DNAAF5: variants seen among roughly 807,000 people sequenced by gnomAD.
The protein encoded by DNAAF5 is HEAT repeat containing 2.
In DNAAF5, 64 loss-of-function variants were observed where a neutral mutation model predicts 75.8. The ratio of observed to expected loss-of-function variants is 0.84; its 90% CI spans 0.69 to 1.04. DNAAF5 has a LOEUF of 1.04. Among genes scored for constraint, DNAAF5 ranks in the 50% least tolerant of loss-of-function variants. DNAAF5 has a pLI of 0.00. For missense variants in DNAAF5, 1,269 were observed against 1,178.5 expected (o/e 1.08, Z -1.12); for synonymous variants, 657 against 557.2 (o/e 1.18, Z -2.52).
Position 741,477 on chromosome 7 carries a change from C to T in DNAAF5, c.1024+12C>T, listed in dbSNP as rs371766301. The T allele has an allele frequency of 6.7e-6, 10 of 1,485,140 alleles. No individual in the cohort carries two copies. Among genetic ancestry groups the T allele is most frequent in the Non-Finnish European group, 9.2e-6 (10 of 1,082,112 alleles). The allele number at this position is 1,485,140 out of a possible 1,614,324, so 92.0% of individuals were successfully genotyped here. ...TTACCCTCCACATGGTGAGTGACCG[C>T]GGCAGAGGGGAGCGCCAGGAGGCGA... is the stretch of plus-strand genomic sequence containing the variant. On this transcript the variant is annotated intron_variant, in intron 4 of 12. Transcript: ENST00000297440.
intron 8 of DNAAF5, among the ~76,000 whole-genome samples, chr7:767,803 CTGGGAGGGCAGACACGTGGTCCGGG>C (rs1778374032): frequency 6.7e-6 from 1 of 149,278 alleles, no homozygotes; most frequent in Non-Finnish European, 1.5e-5. Flanking sequence ...GGAGCTCCCG[CTGGGAGGGCAGACACGTGGTCCGGG>C]TGGAAGTGTC....
At chr7:743,922 TATTA>T (rs1026452218) in intron 4 of DNAAF5, among the ~76,000 whole-genome samples, 2 of 149,718 alleles carry the variant, frequency 1.3e-5, no homozygotes, top group Non-Finnish European at 1.5e-5. Flanking sequence ...TTTTATTATT[TATTA>T]TTTATTTTTA....
At chr7:745,985 A>G (rs1045588661) in intron 4 of DNAAF5, among the ~76,000 whole-genome samples, 1 of 152,256 alleles carries the variant, frequency 6.6e-6, no homozygotes, top group Non-Finnish European at 1.5e-5. Context: ...GGAGCAGAGT[A>G]AATTTAGAAT....
chr7:769,235 G>A (rs979443013), intron 8 of DNAAF5: 10 of 756,024 alleles, frequency 1.3e-5, no homozygotes, highest in Non-Finnish European at 2.0e-5. Context: ...ATAAGCCAGT[G>A]GACGCTCCCT....
chr7:756,951 C>T lies in DNAAF5; in HGVS notation c.1427C>T (p.Ala476Val), dbSNP rs780889552. 5 of 1,607,398 alleles carry T rather than the reference C, an allele frequency of 3.1e-6. No individual in the cohort carries two copies. In the Admixed American group the frequency reaches 5.0e-5, roughly 16 times the overall value. ...EALQPHLAAI[A>V]TELAQAHICQ... ...CTCCAGCCGCACCTGGCAGCCATCG[C>T]CACAGAGCTGGCACAGGCCCACATC... Residue 476 changes from alanine to valine, a missense_variant, in exon 6 of 13, where the codon GCC becomes GTC. Physicochemically the swap from Ala to Val is moderately conservative, Grantham distance 64. Coordinates refer to ENST00000297440, the MANE Select transcript of DNAAF5 (RefSeq NM_017802.4).
chr7:776,039 GA>G (rs1215791743), intron 11 of DNAAF5, among the ~76,000 whole-genome samples: 1 of 152,052 alleles, frequency 6.6e-6, no homozygotes, highest in Non-Finnish European at 1.5e-5. Context: ...TTGTTTTATA[GA>G]AAAAAAGCAG....
At position 785,957 on chromosome 7, in the gene DNAAF5, C is replaced by G. The variant is rs145588067; in HGVS notation, c.*304C>G. 62 of 308,650 alleles carry G rather than the reference C, an allele frequency of 2.0e-4. No homozygotes were observed. The highest frequency in any genetic ancestry group is 1.3e-3 in the African/African-American group (61 of 46,344). The allele number at this position is 308,650 out of a possible 1,614,324, so 19.1% of individuals were successfully genotyped here. A position where few individuals can be genotyped will look rare whatever the true frequency, so the allele number is the denominator to read the frequency against. ...GCAGCATCTTAGATTTTAAGCCTCACGTGCGCAGCTGGTTCATGAACTATT... is the reference window on the plus strand; with the variant it reads ...GCAGCATCTTAGATTTTAAGCCTCAGGTGCGCAGCTGGTTCATGAACTATT... On this transcript the variant is annotated 3_prime_UTR_variant, in exon 13 of 13. Transcript: ENST00000297440.
chr7:782,276 C>T (rs533401105), intron 12 of DNAAF5, among the ~76,000 whole-genome samples: 4 of 150,220 alleles, frequency 2.7e-5, no homozygotes, highest in African/African-American at 9.8e-5. Flanking sequence ...CCTCCCGACA[C>T]GCGGCATCAG....
intron 4 of DNAAF5, among the ~76,000 whole-genome samples, chr7:752,777 C>T (rs991321670): frequency 6.6e-6 from 1 of 152,192 alleles, no homozygotes; most frequent in Non-Finnish European, 1.5e-5. Flanking sequence ...GTTGAAAAAA[C>T]GAAAAGACAA....
At chr7:757,079 T>C in intron 6 of DNAAF5, 85 bp downstream of exon 6, 1 of 1,346,676 alleles carries the variant, frequency 7.4e-7, no homozygotes, top group Non-Finnish European at 1.0e-6. Flanking sequence ...TGTCTGTGGG[T>C]TGCCCTGTGC....
chr7:775,100 A>G lies in DNAAF5; in HGVS notation c.2177A>G (p.Asn726Ser), dbSNP rs1332012675. The G allele has an allele frequency of 1.2e-6, 2 of 1,614,154 alleles. No homozygotes were observed. Among genetic ancestry groups the G allele is most frequent in the Admixed American group, 3.3e-5 (2 of 60,018 alleles). Reference protein sequence around the residue: ...MTRLISCRIINTFLKTSGGMT... With the variant: ...MTRLISCRIISTFLKTSGGMT... ...CGACTGATCTCATGCCGTATTATCA[A>G]CACGTTCTTAAAAACCTCGGGCGGC... The change falls in exon 11 of 13, where the codon AAC becomes AGC. Residue 726 changes from asparagine to serine, a missense_variant. By Grantham distance (46) the Asn-to-Ser change is conservative. Transcript: ENST00000297440.
intron 11 of DNAAF5, among the ~76,000 whole-genome samples, chr7:779,206 G>A (rs574213609): frequency 2.6e-5 from 4 of 152,336 alleles, no homozygotes; most frequent in East Asian, 1.9e-4. Context: ...CCACCCTCGC[G>A]TCTGCAGCGG....
chr7:740,093 A>T (rs6979659), intron 2 of DNAAF5, among the ~76,000 whole-genome samples: 1 of 152,032 alleles, frequency 6.6e-6, no homozygotes, highest in South Asian at 2.1e-4. Context: ...TCCCAGGATC[A>T]GTCTGCGGCT....
chr7:761,732 G>A (rs773199551), intron 6 of DNAAF5, 21 bp from the exon 7 acceptor site: 9 of 1,585,502 alleles, frequency 5.7e-6, no homozygotes, highest in South Asian at 3.5e-5. Context: ...AAGCTCTGAC[G>A]GTGCTGCCGG....
chr7:772,775 G>C (rs1435302031), intron 9 of DNAAF5: 1 of 152,252 alleles, frequency 6.6e-6, no homozygotes, highest in Non-Finnish European at 1.5e-5. Context: ...TTGAACCTGG[G>C]AGGCAGAGGT....
intron 7 of DNAAF5, 117 bp from the exon 8 acceptor site, chr7:763,689 C>T: frequency 8.3e-7 from 1 of 1,200,466 alleles, no homozygotes; most frequent in Non-Finnish European, 1.2e-6. Context: ...CCCGATTATC[C>T]TGGCAGGCCC....
Position 726,731 on chromosome 7 carries a change from T to G in DNAAF5, c.11T>G (p.Leu4Arg). 1 of 1,239,902 alleles carries G rather than the reference T, an allele frequency of 8.1e-7. No individual in the cohort carries two copies. Among genetic ancestry groups the G allele is most frequent in the Non-Finnish European group, 1.0e-6 (1 of 992,942 alleles). 76.8% of individuals were successfully genotyped at this position (1,239,902 alleles called of 1,614,324 possible). The change falls in exon 1 of 13, where the codon CTG (leucine) becomes CGG (arginine). Residue 4 changes from leucine (L) to arginine (R), a missense_variant. Physicochemically the swap from Leu to Arg is moderately radical, Grantham distance 102 (BLOSUM62 -2). Coordinates refer to ENST00000297440, the MANE Select transcript of DNAAF5 (RefSeq NM_017802.4). MAALGVAEAVAAPH... is the reference protein window; with the variant it reads MAARGVAEAVAAPH... ...GGCGACGCGGGCAAGATGGCGGCGC[T>G]GGGGGTGGCGGAGGCCGTGGCGGCC...
chr7:770,645 GC>G, intron 9 of DNAAF5, 27 bp downstream of exon 9: 3 of 1,603,988 alleles, frequency 1.9e-6, no homozygotes, highest in Non-Finnish European at 1.7e-6. Context: ...CCTCTGCACG[GC>G]CCCCAGCTGG....
chr7:776,612 CT>C (rs1182070529), intron 11 of DNAAF5, among the ~76,000 whole-genome samples: 1 of 152,208 alleles, frequency 6.6e-6, no homozygotes, highest in Non-Finnish European at 1.5e-5. Context: ...GTGTCGCCGC[CT>C]CCTGGAGCCC....
Sources: allele counts gnomAD v4.1 joint callset (sites outside exome capture counted in the v4.1 genomes callset), GRCh38; gene constraint gnomAD v4.1.1; transcripts MANE v1.5; gene names NCBI Gene and HGNC (gene_info 2026-07-23, HGNC 2026-07-21).